MRPS28: variants seen among roughly 807,000 people sequenced by gnomAD.
MRPS28 encodes the protein small ribosomal subunit protein bS1m.
Under a neutral mutation model 10.8 loss-of-function variants are expected in MRPS28, and 7 were observed. That is an observed-to-expected ratio of 0.65 (90% CI 0.37 to 1.22). The LOEUF is 1.22. MRPS28 is among the 50% of genes most tolerant of loss of function. The pLI, the probability that MRPS28 is intolerant of heterozygous loss-of-function variation, is 0.02. For synonymous variants in MRPS28, 121 were observed against 93.3 expected (o/e 1.30, Z -1.71); for missense variants, 265 against 232.9 (o/e 1.14, Z -0.90).
rs569099888 is a variant in MRPS28 at position 80,017,410 on chromosome 8, A to C, written c.213+12626T>G. 7.2e-5 allele frequency among the ~76,000 whole-genome samples: 11 copies of C among 152,300 alleles called. No individual in the cohort carries two copies. In the South Asian group the frequency reaches 2.3e-3, roughly 32 times the overall value. On this transcript the variant is annotated intron_variant, in intron 1 of 2. Coordinates refer to ENST00000276585, the MANE Select transcript of MRPS28 (RefSeq NM_014018.3). ...AAAGAGAGGACACAAATTACTAATA[A>C]TAGAAATGAAAGAGAGGACATCACT... is the stretch of plus-strand genomic sequence containing the variant.
intron 2 of MRPS28, among the ~76,000 whole-genome samples, chr8:79,972,256 T>G (rs891919631): frequency 1.3e-5 from 2 of 152,208 alleles, no homozygotes; most frequent in African/African-American, 4.8e-5. Flanking sequence ...TGTGTGTAAG[T>G]ATACCCAAGC....
chr8:79,973,288 G>A (rs1020879683), intron 2 of MRPS28, among the ~76,000 whole-genome samples: 10 of 152,140 alleles, frequency 6.6e-5, no homozygotes, highest in African/African-American at 2.4e-4. Flanking sequence ...GAGAGAGTGT[G>A]TGTGTGTACA....
At chr8:79,985,936 A>G (rs1439880750) in intron 2 of MRPS28, among the ~76,000 whole-genome samples, 1 of 152,184 alleles carries the variant, frequency 6.6e-6, no homozygotes, top group Non-Finnish European at 1.5e-5. Context: ...TGAGGCCAGC[A>G]TCATCCTGAT....
At chr8:79,940,546 C>T (rs2129930367) in intron 2 of MRPS28, among the ~76,000 whole-genome samples, 1 of 152,322 alleles carries the variant, frequency 6.6e-6, no homozygotes, top group South Asian at 2.1e-4. Flanking sequence ...CTTTATTGCA[C>T]AGCAAAAGAA....
At chr8:80,016,874 A>C (rs1809210783) in intron 1 of MRPS28, among the ~76,000 whole-genome samples, 1 of 152,204 alleles carries the variant, frequency 6.6e-6, no homozygotes, top group Non-Finnish European at 1.5e-5. Flanking sequence ...ATGTCCCTCT[A>C]TCAGAAAAGG....
chr8:79,930,655 T>C (rs1309975763), intron 2 of MRPS28, among the ~76,000 whole-genome samples: 1 of 152,194 alleles, frequency 6.6e-6, no homozygotes, highest in Non-Finnish European at 1.5e-5. Context: ...ATGTTCCAAG[T>C]ATTCCCTAAT....
rs116110469 is a variant in MRPS28 at position 79,979,501 on chromosome 8, A to T, written c.395+23498T>A. Among the ~76,000 whole-genome samples, 441 of 152,236 alleles carry T rather than the reference A, an allele frequency of 2.9e-3. 6 individuals are homozygous for T. Among genetic ancestry groups the T allele is most frequent in the African/African-American group, 9.7e-3 (405 of 41,548 alleles). On this transcript the variant is annotated intron_variant, in intron 2 of 2. Transcript: ENST00000276585. Reference sequence around the variant, plus strand: ...AAAAGGGACAAAAAAATAAAAAATAAATTTTAAAAGAAATTTTTTTACTTA... The same window carrying T: ...AAAAGGGACAAAAAAATAAAAAATATATTTTAAAAGAAATTTTTTTACTTA...
intron 2 of MRPS28, among the ~76,000 whole-genome samples, chr8:79,962,225 G>A (rs1307100224): frequency 1.3e-5 from 2 of 151,876 alleles, no homozygotes; most frequent in East Asian, 1.9e-4. Context: ...TTCCAGTACC[G>A]AGGATACAAG....
intron 2 of MRPS28, among the ~76,000 whole-genome samples, chr8:79,979,484 CA>C (rs1186541139): frequency 4.6e-5 from 7 of 151,444 alleles, no homozygotes; most frequent in Admixed American, 1.3e-4. Flanking sequence ...GTAAAAGGGA[CA>C]AAAAAATAAA....
rs1036278950 is a variant in MRPS28 at position 79,990,038 on chromosome 8, G to A, written c.395+12961C>T. ...TAGCCAGGCATGGTGGCAGACGCCT[G>A]TAGTCCCGGCTACTCAGGAGGCAGA... On this transcript the variant is annotated intron_variant, in intron 2 of 2. Coordinates refer to ENST00000276585, the MANE Select transcript of MRPS28 (RefSeq NM_014018.3). Among the ~76,000 whole-genome samples the A allele has an allele frequency of 3.9e-5, 6 of 152,174 alleles. No individual in the cohort carries two copies. The East Asian group carries it at 5.8e-4, about 15-fold the overall frequency.
At chr8:80,006,798 A>G (rs1289748418) in intron 1 of MRPS28, among the ~76,000 whole-genome samples, 1 of 152,184 alleles carries the variant, frequency 6.6e-6, no homozygotes, top group Non-Finnish European at 1.5e-5. Context: ...CAACCAAAAA[A>G]AGTCCAGGAC....
At chr8:79,949,894 G>C (rs1016749823) in intron 2 of MRPS28, among the ~76,000 whole-genome samples, 1 of 151,912 alleles carries the variant, frequency 6.6e-6, no homozygotes. Context: ...AACTCCAACA[G>C]GACAACTAAA....
intron 2 of MRPS28, among the ~76,000 whole-genome samples, chr8:79,967,769 G>C (rs1157392289): frequency 6.6e-6 from 1 of 152,092 alleles, no homozygotes; most frequent in Non-Finnish European, 1.5e-5. Context: ...AGTAGCAAAA[G>C]ACTGTACAGC....
At chr8:80,009,075 C>T (rs1223832647) in intron 1 of MRPS28, among the ~76,000 whole-genome samples, 1 of 152,182 alleles carries the variant, frequency 6.6e-6, no homozygotes, top group African/African-American at 2.4e-5. Context: ...CACATATACA[C>T]CATGGAATAC....
intron 2 of MRPS28, among the ~76,000 whole-genome samples, chr8:79,976,105 C>A (rs1450231524): frequency 6.6e-6 from 1 of 150,600 alleles, no homozygotes; most frequent in Non-Finnish European, 1.5e-5. Context: ...TTTTTCCAGA[C>A]CAAGTTTTGC....
chr8:79,979,374 G>A (rs1447210887), intron 2 of MRPS28, among the ~76,000 whole-genome samples: 2 of 152,100 alleles, frequency 1.3e-5, no homozygotes, highest in East Asian at 1.9e-4. Context: ...GTTAAACACT[G>A]ATTTTCAGAG....
chr8:79,920,480 A>G (rs573201556), intron 2 of MRPS28, among the ~76,000 whole-genome samples: 11 of 152,300 alleles, frequency 7.2e-5, no homozygotes, highest in African/African-American at 2.6e-4. Flanking sequence ...AATGATCACC[A>G]TTCTAACTGG....
intron 1 of MRPS28, among the ~76,000 whole-genome samples, chr8:80,009,048 G>A (rs1808950749): frequency 6.6e-6 from 1 of 152,132 alleles, no homozygotes. Context: ...GTGATAGACT[G>A]GATTAAGAAA....
chr8:79,927,691 G>A (rs967765834), intron 2 of MRPS28, among the ~76,000 whole-genome samples: 3 of 152,170 alleles, frequency 2.0e-5, no homozygotes, highest in East Asian at 1.9e-4. Flanking sequence ...GGGAAAAGTC[G>A]TATTCCACTA....
Sources: gnomAD v4.1 joint callset for allele counts (sites outside exome capture counted in the v4.1 genomes callset) on GRCh38, gnomAD v4.1.1 for gene constraint, MANE v1.5 for transcripts, NCBI Gene and HGNC (gene_info 2026-07-23, HGNC 2026-07-21) for gene names.